The following SLC6A6 variants were observed in gnomAD, a reference collection of about 807,000 sequenced individuals.
The protein encoded by SLC6A6 is solute carrier family 6 member 6, also known as sodium- and chloride-dependent taurine transporter.
In SLC6A6, 16 loss-of-function variants were observed where a neutral mutation model predicts 68.8. The observed-to-expected ratio is 0.23, with a 90% CI of 0.16 to 0.35. SLC6A6 has a LOEUF of 0.35. Among genes scored for constraint, SLC6A6 ranks in the 10% least tolerant of loss-of-function variants. SLC6A6 has a pLI of 1.00. For synonymous variants in SLC6A6, 312 were observed against 315.4 expected, an observed-to-expected ratio of 0.99 and a Z score of 0.12; for missense variants, 474 against 802.8, an observed-to-expected ratio of 0.59 and a Z score of 4.95.
intron 1 of SLC6A6, among the ~76,000 whole-genome samples, chr3:14,414,493 G>A (rs1699320977): frequency 6.6e-6 from 1 of 152,094 alleles, no homozygotes; most frequent in Non-Finnish European, 1.5e-5. Context: ...GGTGCCAGCA[G>A]GCTAGACATA....
At chr3:14,445,591 T>G (rs1439277006) in intron 3 of SLC6A6, 126 bp from the exon 4 acceptor site, 3 of 1,069,288 alleles carry the variant, frequency 2.8e-6, no homozygotes, top group Admixed American at 1.8e-5. Context: ...GGTCCAAGAG[T>G]TTGGCCTTGA....
chr3:14,419,816 C>T (rs1303401067), intron 2 of SLC6A6, among the ~76,000 whole-genome samples: 5 of 152,032 alleles, frequency 3.3e-5, no homozygotes, highest in African/African-American at 1.2e-4. Context: ...AACTCCCCAC[C>T]CCCTCAGCTA....
At position 14,485,705 on chromosome 3, in the gene SLC6A6, A is replaced by G. The variant is rs1559319174; in HGVS notation, c.*698A>G. On this transcript the variant is annotated 3_prime_UTR_variant, in exon 15 of 15. Transcript: ENST00000622186. ...GGCTGAAGCTGAATGAGGAGGCCCT[A>G]TAGCAGAAGTCTGATTCTAAGAGCA... 1 of 152,694 alleles carries G rather than the reference A, an allele frequency of 6.5e-6. No homozygotes were observed. The highest frequency in any genetic ancestry group is 1.5e-5 in the Non-Finnish European group (1 of 68,052). The allele number at this position is 152,694 out of a possible 1,614,324, so 9.5% of individuals were successfully genotyped here.
chr3:14,456,845 G>C (rs1176480281), intron 5 of SLC6A6, among the ~76,000 whole-genome samples: 2 of 152,204 alleles, frequency 1.3e-5, no homozygotes, highest in African/African-American at 2.4e-5. Flanking sequence ...CCAGGGGTTC[G>C]CAAACACCCT....
intron 5 of SLC6A6, among the ~76,000 whole-genome samples, chr3:14,451,872 C>T (rs1700259440): frequency 6.6e-6 from 1 of 152,186 alleles, no homozygotes; most frequent in Admixed American, 6.5e-5. Flanking sequence ...GGCGGCAGAG[C>T]AGTGAGGATA....
intron 1 of SLC6A6, among the ~76,000 whole-genome samples, chr3:14,406,659 G>A (rs1011462909): frequency 1.3e-5 from 2 of 152,152 alleles, no homozygotes; most frequent in African/African-American, 2.4e-5. Context: ...ACAGGTCTGC[G>A]GAGTTTCCTT....
At chr3:14,437,579 C>T (rs968816645) in intron 2 of SLC6A6, among the ~76,000 whole-genome samples, 4 of 152,182 alleles carry the variant, frequency 2.6e-5, no homozygotes, top group Admixed American at 6.5e-5. Context: ...AATTAACTTA[C>T]GTATCACCTC....
Position 14,457,834 on chromosome 3 carries a change from G to A in SLC6A6, c.600-116G>A, listed in dbSNP as rs1004366392. ...GGTTTGGAAAGGTGAGGTGACTTAT[G>A]TAAATGCAGCGCCTCAGGTGGGATT... On this transcript the variant is annotated intron_variant, in intron 5 of 14. Coordinates refer to ENST00000622186, the MANE Select transcript of SLC6A6 (RefSeq NM_003043.6). The A allele has an allele frequency of 4.1e-5, 37 of 908,046 alleles. No homozygotes were observed. In the Middle Eastern group the frequency reaches 1.0e-3, roughly 25 times the overall value. The allele number at this position is 908,046 out of a possible 1,614,324, so 56.2% of individuals were successfully genotyped here.
chr3:14,484,716 A>G (rs2125002561), intron 14 of SLC6A6, 151 bp from the exon 15 acceptor site: 1 of 742,560 alleles, frequency 1.3e-6, no homozygotes, highest in South Asian at 1.9e-5. Flanking sequence ...CATTATTTCC[A>G]AAAAGGACAA....
chr3:14,436,788 A>G (rs2124932656), intron 2 of SLC6A6, among the ~76,000 whole-genome samples: 1 of 152,134 alleles, frequency 6.6e-6, no homozygotes, highest in Admixed American at 6.5e-5. Flanking sequence ...GTGCTGTTTC[A>G]TTAGCTGGCC....
chr3:14,436,531 CTTTTTTTTTTTTTTTTTTTTTTTTT>C (rs58996264), intron 2 of SLC6A6, among the ~76,000 whole-genome samples: 23 of 112,574 alleles, frequency 2.0e-4, no homozygotes, highest in East Asian at 3.3e-4. Context: ...CAACAACTCC[CTTTTTTTTTTTTTTTTTTTTTTTTT>C]TTTTTTTTTT....
intron 6 of SLC6A6, among the ~76,000 whole-genome samples, chr3:14,460,586 G>A (rs1055818094): frequency 2.0e-5 from 3 of 152,226 alleles, no homozygotes; most frequent in Non-Finnish European, 2.9e-5. Flanking sequence ...GCTGATGTCC[G>A]CCAGGGACAG....
intron 2 of SLC6A6, among the ~76,000 whole-genome samples, chr3:14,417,344 C>A (rs944496326): frequency 2.0e-5 from 3 of 152,186 alleles, no homozygotes; most frequent in African/African-American, 7.2e-5. Context: ...TAAATAAAAA[C>A]AGTCACGTGA....
intron 2 of SLC6A6, among the ~76,000 whole-genome samples, chr3:14,438,635 T>A (rs1418987976): frequency 6.6e-6 from 1 of 152,158 alleles, no homozygotes; most frequent in Non-Finnish European, 1.5e-5. Context: ...CGCTGATCAG[T>A]TTGCTTAACC....
chr3:14,404,137 AC>A (rs1699051214), intron 1 of SLC6A6, among the ~76,000 whole-genome samples: 1 of 152,230 alleles, frequency 6.6e-6, no homozygotes, highest in Non-Finnish European at 1.5e-5. Flanking sequence ...GGCACAGCTG[AC>A]GTTCAAGTAA....
In SLC6A6 at chr3:14,481,824, G is replaced by C; in HGVS notation, c.1705G>C (p.Glu569Gln). ...LVIVIRLCQT[E>Q]GPFLVRVKYL... is the part of the protein sequence containing the mutation. ...CATCGTCATCCGCCTCTGCCAGACTGAGGGGCCGTTCCTTGTGGTAAGTGC... is the reference window on the plus strand; with the variant it reads ...CATCGTCATCCGCCTCTGCCAGACTCAGGGGCCGTTCCTTGTGGTAAGTGC... The change falls in exon 14 of 15, where the codon GAG becomes CAG. Residue 569 changes from glutamate (E) to glutamine (Q), a missense_variant. Transcript: ENST00000622186. This position sits in a 1 kb window ranked among gnomAD's most constrained non-coding sequence, Gnocchi z 4.7. 6.2e-7 allele frequency: 1 copy of C among 1,614,038 alleles called. No homozygotes were observed. Among genetic ancestry groups the C allele is most frequent in the Non-Finnish European group, 8.5e-7 (1 of 1,179,940 alleles).
At chr3:14,430,188 G>A (rs1232208364) in intron 2 of SLC6A6, among the ~76,000 whole-genome samples, 1 of 152,156 alleles carries the variant, frequency 6.6e-6, no homozygotes, top group Non-Finnish European at 1.5e-5. Context: ...AGTGAGCCTG[G>A]GATTCCAAGA....
At chr3:14,413,975 C>T (rs527930496) in intron 1 of SLC6A6, among the ~76,000 whole-genome samples, 1 of 152,164 alleles carries the variant, frequency 6.6e-6, no homozygotes, top group African/African-American at 2.4e-5. Flanking sequence ...CTTTCTGTGT[C>T]TCCCAGGCAT....
chr3:14,430,209 A>G (rs990748540), intron 2 of SLC6A6, among the ~76,000 whole-genome samples: 7 of 152,206 alleles, frequency 4.6e-5, no homozygotes, highest in Non-Finnish European at 8.8e-5. Context: ...GGAGAAGTTC[A>G]GATTATTATC....
Sources: gnomAD v4.1 joint callset for allele counts (sites outside exome capture counted in the v4.1 genomes callset) on GRCh38, gnomAD v4.1.1 for gene constraint, Gnocchi (gnomAD v3.1) non-coding constraint, MANE v1.5 for transcripts, NCBI Gene and HGNC (gene_info 2026-07-23, HGNC 2026-07-21) for gene names.